Variants in DNAH14 observed in about 807,000 individuals in gnomAD.
DNAH14 encodes the protein axonemal beta dynein heavy chain 14.
A neutral mutation model predicts 520.9 loss-of-function variants in DNAH14; 478 were observed. The observed-to-expected ratio is 0.92, with a 90% CI of 0.85 to 0.99. The LOEUF is 0.99. Among genes scored for constraint, DNAH14 ranks in the 50% least tolerant of loss-of-function variants. The probability of loss-of-function intolerance (pLI) is 0.00; values close to 1 mark genes in which losing one functional copy is unlikely to be tolerated. For missense variants in DNAH14, 4,831 were observed against 5,234.5 expected (o/e 0.92, Z 2.38); for synonymous variants, 1,581 against 1,757.2 (o/e 0.90, Z 2.51).
At chr1:225,323,026 G>A (rs1349498058) in intron 62 of DNAH14, among the ~76,000 whole-genome samples, 1 of 152,160 alleles carries the variant, frequency 6.6e-6, no homozygotes, top group African/African-American at 2.4e-5. Context: ...TTCTGATTAT[G>A]GCTCCCAAAA....
intron 17 of DNAH14, among the ~76,000 whole-genome samples, chr1:225,074,683 A>C (rs1181877123): frequency 1.3e-5 from 2 of 152,216 alleles, no homozygotes; most frequent in Non-Finnish European, 1.5e-5. Context: ...CTGCTTAAGC[A>C]GTCTGGCCAC....
At chr1:224,983,973 C>A (rs937049290) in intron 8 of DNAH14, among the ~76,000 whole-genome samples, 1 of 152,070 alleles carries the variant, frequency 6.6e-6, no homozygotes, top group Non-Finnish European at 1.5e-5. Context: ...CTGCCAAAAG[C>A]AATCTACAAA....
chr1:225,067,579 A>G (rs559685042), intron 17 of DNAH14, among the ~76,000 whole-genome samples: 1 of 152,110 alleles, frequency 6.6e-6, no homozygotes, highest in Non-Finnish European at 1.5e-5. Flanking sequence ...TTACACTCTC[A>G]TCAACAGTGT....
At position 225,333,342 on chromosome 1, in the gene DNAH14, T is replaced by C. The variant is rs1185087643; in HGVS notation, c.9916T>C (p.Leu3306=). The C allele has an allele frequency of 6.4e-7, 1 of 1,551,722 alleles. No homozygotes were observed. Among genetic ancestry groups the C allele is most frequent in the South Asian group, 1.2e-5 (1 of 84,040 alleles). ...AATAGATAACAAATTAGAAGGAATTTTGGGTGACATACTTCTTTCAGCAGC... is the reference window on the plus strand; with the variant it reads ...AATAGATAACAAATTAGAAGGAATTCTGGGTGACATACTTCTTTCAGCAGC... The part of the protein sequence containing the change: ...NQIDNKLEGI[L]GDILLSAACI... The change falls in exon 66 of 86, where the codon TTG becomes CTG. Residue 3306 remains leucine (L), a synonymous_variant. Coordinates refer to ENST00000682510, the MANE Select transcript of DNAH14 (RefSeq NM_001367479.1).
At chr1:224,951,177 C>A (rs1485056809) in intron 1 of DNAH14, among the ~76,000 whole-genome samples, 1 of 152,118 alleles carries the variant, frequency 6.6e-6, no homozygotes. Context: ...AGGCATGCAC[C>A]ACCACTCCTG....
At chr1:225,340,756 A>G (rs1344499821) in intron 69 of DNAH14, 55 bp downstream of exon 69, 4 of 1,476,494 alleles carry the variant, frequency 2.7e-6, no homozygotes, top group Middle Eastern at 1.8e-4. Context: ...TAGAATAAAA[A>G]GTTATAAGAA....
At chr1:225,038,417 A>G (rs1189827513) in intron 11 of DNAH14, among the ~76,000 whole-genome samples, 1 of 150,688 alleles carries the variant, frequency 6.6e-6, no homozygotes, top group Non-Finnish European at 1.5e-5. Context: ...TTTATTATTT[A>G]TTATTTTCTG....
intron 17 of DNAH14, among the ~76,000 whole-genome samples, chr1:225,063,406 AT>A (rs1376515386): frequency 6.6e-6 from 1 of 152,024 alleles, no homozygotes; most frequent in African/African-American, 2.4e-5. Context: ...TATTGTTATA[AT>A]TTTTTTGTTG....
At chr1:224,984,505 G>A (rs1040427334) in intron 8 of DNAH14, among the ~76,000 whole-genome samples, 3 of 151,964 alleles carry the variant, frequency 2.0e-5, no homozygotes, top group African/African-American at 4.8e-5. Flanking sequence ...GACCAAAAAC[G>A]CAAAAACAAT....
chr1:225,207,315 A>G lies in DNAH14; in HGVS notation c.6439+95A>G, dbSNP rs1046957977. ...TTAGATTTTAGAAAATTTTTCAAAG[A>G]GCAGGCATTTTTAGTCTATTTGGAC... is the stretch of plus-strand genomic sequence containing the variant. On this transcript the variant is annotated intron_variant, in intron 41 of 85. Coordinates refer to ENST00000682510, the MANE Select transcript of DNAH14 (RefSeq NM_001367479.1). 6 of 1,325,696 alleles carry G rather than the reference A, an allele frequency of 4.5e-6. No homozygotes were observed. In the African/African-American group the frequency reaches 7.6e-5, roughly 17 times the overall value. The allele number at this position is 1,325,696 out of a possible 1,614,324, so 82.1% of individuals were successfully genotyped here. A position where few individuals can be genotyped will look rare whatever the true frequency, so the allele number is the denominator to read the frequency against.
Position 225,388,460 on chromosome 1 carries a change from G to C in DNAH14, c.13159G>C (p.Ala4387Pro). ...IQRLNFFNTW[A>P]KVAYTAIQRR... ...GCGACTGAATTTCTTCAATACTTGG[G>C]CCAAAGTGGCTTATACTGCAATACA... is the stretch of plus-strand genomic sequence containing the variant. Residue 4387 changes from alanine to proline, a missense_variant, in exon 82 of 86, where the codon GCC (alanine) becomes CCC (proline). Coordinates refer to ENST00000682510, the MANE Select transcript of DNAH14 (RefSeq NM_001367479.1). 6.5e-7 allele frequency: 1 copy of C among 1,533,432 alleles called. No individual in the cohort carries two copies. Among genetic ancestry groups the C allele is most frequent in the South Asian group, 1.2e-5 (1 of 82,984 alleles). The allele number at this position is 1,533,432 out of a possible 1,614,324, so 95.0% of individuals were successfully genotyped here. A position where few individuals can be genotyped will look rare whatever the true frequency, so the allele number is the denominator to read the frequency against.
intron 30 of DNAH14, 53 bp downstream of exon 30, chr1:225,145,432 A>C (rs2079844748): frequency 7.6e-7 from 1 of 1,311,934 alleles, no homozygotes; most frequent in Admixed American, 2.8e-5. Context: ...TAAAACATAA[A>C]ACAATTCATT....
chr1:225,277,132 G>A (rs998115790), intron 53 of DNAH14, among the ~76,000 whole-genome samples: 7 of 135,682 alleles, frequency 5.2e-5, no homozygotes, highest in Admixed American at 4.4e-4. Context: ...GGACGGGGAA[G>A]GGGGAAGGGA....
At chr1:224,952,481 G>T (rs1342473385) in intron 1 of DNAH14, among the ~76,000 whole-genome samples, 189 bp from the exon 2 acceptor site, 1 of 152,184 alleles carries the variant, frequency 6.6e-6, no homozygotes, top group African/African-American at 2.4e-5. Context: ...TATAGAGATT[G>T]CCCTGAGAAG....
intron 9 of DNAH14, among the ~76,000 whole-genome samples, chr1:225,004,102 A>G (rs972910238): frequency 1.3e-5 from 2 of 152,140 alleles, no homozygotes; most frequent in African/African-American, 4.8e-5. Context: ...ACTTTTCCAG[A>G]CAGTATGTAA....
intron 23 of DNAH14, among the ~76,000 whole-genome samples, chr1:225,111,552 G>A (rs181320938): frequency 6.6e-6 from 1 of 151,980 alleles, no homozygotes; most frequent in African/African-American, 2.4e-5. Flanking sequence ...CTTATTGGGA[G>A]CAGATTGTTG....
chr1:225,258,616 C>A (rs2092823165), intron 45 of DNAH14, among the ~76,000 whole-genome samples: 1 of 152,194 alleles, frequency 6.6e-6, no homozygotes, highest in Non-Finnish European at 1.5e-5. Flanking sequence ...GCAATAGTAT[C>A]ATTTTCCCAG....
chr1:225,357,770 A>G (rs2095446850), intron 73 of DNAH14: 1 of 701,846 alleles, frequency 1.4e-6, no homozygotes, highest in Admixed American at 2.0e-5. Flanking sequence ...TCAAACAGGC[A>G]CACTGACGTG....
At chr1:225,334,860 CTCTG>C (rs1426842782) in intron 66 of DNAH14, among the ~76,000 whole-genome samples, 2 of 146,616 alleles carry the variant, frequency 1.4e-5, no homozygotes, top group East Asian at 2.0e-4. Context: ...CAAGCCAAGT[CTCTG>C]TCTCTCTCTC....
Sources: allele counts gnomAD v4.1 joint callset (sites outside exome capture counted in the v4.1 genomes callset), GRCh38; gene constraint gnomAD v4.1.1; transcripts MANE v1.5; gene names NCBI Gene and HGNC (gene_info 2026-07-23, HGNC 2026-07-21).